Variants in KCND3 observed in about 807,000 individuals in gnomAD.
The protein encoded by KCND3 is A-type voltage-gated potassium channel KCND3.
In KCND3, 9 loss-of-function variants were observed where a neutral mutation model predicts 51.1. That is an observed-to-expected ratio of 0.18 (90% CI 0.11 to 0.31). The LOEUF (loss-of-function observed/expected upper bound fraction) is 0.31, where lower values mean the gene tolerates loss of function less well. Among genes scored for constraint, KCND3 ranks in the 10% least tolerant of loss-of-function variants. The pLI, the probability that KCND3 is intolerant of heterozygous loss-of-function variation, is 1.00. For synonymous variants in KCND3, 349 were observed against 368.0 expected, an observed-to-expected ratio of 0.95 and a Z score of 0.59; for missense variants, 526 against 903.8, an observed-to-expected ratio of 0.58 and a Z score of 5.36.
chr1:111,917,104 T>C (rs980936821), intron 2 of KCND3, among the ~76,000 whole-genome samples: 4 of 152,236 alleles, frequency 2.6e-5, no homozygotes, highest in Non-Finnish European at 4.4e-5. Context: ...TACCTATTTA[T>C]GACTGGAAAA....
At chr1:111,895,768 G>A (rs537723716) in intron 2 of KCND3, among the ~76,000 whole-genome samples, 1 of 152,366 alleles carries the variant, frequency 6.6e-6, no homozygotes, top group East Asian at 1.9e-4. Context: ...CCAGTGGGTG[G>A]GCAGGAAGCT....
chr1:111,846,951 C>T (rs532976034), intron 2 of KCND3, among the ~76,000 whole-genome samples: 1 of 152,358 alleles, frequency 6.6e-6, no homozygotes, highest in East Asian at 1.9e-4. Flanking sequence ...GGGTCTCCCT[C>T]ACTGGACTGT....
chr1:111,946,832 G>C (rs1672801991), intron 2 of KCND3, among the ~76,000 whole-genome samples: 1 of 152,226 alleles, frequency 6.6e-6, no homozygotes, highest in Admixed American at 6.5e-5. Flanking sequence ...TGTTCAACCA[G>C]TGAATCTGCC....
chr1:111,980,915 T>A (rs1219455926), intron 2 of KCND3, among the ~76,000 whole-genome samples: 1 of 152,192 alleles, frequency 6.6e-6, no homozygotes, highest in Non-Finnish European at 1.5e-5. Flanking sequence ...TCTGACCACA[T>A]GATCCATTCA....
rs977348715 is a variant in KCND3 at position 111,965,465 on chromosome 1, C to CACACAT, written c.1106+16155_1106+16156insATGTGT. On this transcript the variant is annotated intron_variant, in intron 2 of 7. Transcript: ENST00000302127. Reference sequence around the variant, plus strand: ...ACACACACACACACACACACACACACACACACACACACACACACACACACG... The same window carrying CACACAT: ...ACACACACACACACACACACACACACACACATACACACACACACACACACACACACG... Among the ~76,000 whole-genome samples, 4 of 148,410 alleles carry CACACAT rather than the reference C, an allele frequency of 2.7e-5. 1 individual carries two copies. Among genetic ancestry groups the CACACAT allele is most frequent in the African/African-American group, 9.8e-5 (4 of 40,750 alleles).
chr1:111,842,457 G>A (rs1667368749), intron 2 of KCND3, among the ~76,000 whole-genome samples: 1 of 152,212 alleles, frequency 6.6e-6, no homozygotes, highest in Admixed American at 6.5e-5. Flanking sequence ...GGCTCTGACT[G>A]GAGAGGAAAT....
At chr1:111,875,547 C>A (rs1209997025) in intron 2 of KCND3, among the ~76,000 whole-genome samples, 1 of 152,092 alleles carries the variant, frequency 6.6e-6, no homozygotes, top group Admixed American at 6.5e-5. Context: ...CCAAGGGGAC[C>A]CTGAGGATCA....
At chr1:111,947,826 T>C (rs1807211) in intron 2 of KCND3, among the ~76,000 whole-genome samples, 47,628 of 152,162 alleles carry the variant, frequency 0.31, 7,699 homozygotes, top group Middle Eastern at 0.37. Flanking sequence ...AATCCTGGGC[T>C]GGGATGATAA....
At chr1:111,837,003 T>C (rs12406062) in intron 2 of KCND3, among the ~76,000 whole-genome samples, 1,614 of 152,326 alleles carry the variant, frequency 0.011, 11 homozygotes, top group Middle Eastern at 0.02. Context: ...TTTAAGTTAG[T>C]TTTAATACCA....
At chr1:111,883,945 G>A (rs1312906955) in intron 2 of KCND3, among the ~76,000 whole-genome samples, 1 of 152,154 alleles carries the variant, frequency 6.6e-6, no homozygotes, top group Non-Finnish European at 1.5e-5. Context: ...GAGGCATTAG[G>A]TATGTTCTGC....
intron 2 of KCND3, among the ~76,000 whole-genome samples, chr1:111,878,359 A>C (rs1223497204): frequency 6.6e-6 from 1 of 152,234 alleles, no homozygotes; most frequent in Non-Finnish European, 1.5e-5. Flanking sequence ...GCACGAGCTC[A>C]GCTGCTGAGT....
chr1:111,902,742 C>T (rs1035191910), intron 2 of KCND3, among the ~76,000 whole-genome samples: 2 of 152,178 alleles, frequency 1.3e-5, no homozygotes, highest in African/African-American at 2.4e-5. Flanking sequence ...ATAGGGATAG[C>T]AATATCTACC....
chr1:111,960,608 G>A lies in KCND3; in HGVS notation c.1106+21013C>T, dbSNP rs998265351. Reference sequence around the variant, plus strand: ...GTACAAAAAAACTGGAAGATACTGGGGAAAACTTGGGCCAGAGGTGGGGTA... The same window carrying A: ...GTACAAAAAAACTGGAAGATACTGGAGAAAACTTGGGCCAGAGGTGGGGTA... On this transcript the variant is annotated intron_variant, in intron 2 of 7. Transcript: ENST00000302127. Among the ~76,000 whole-genome samples the A allele has an allele frequency of 3.3e-5, 5 of 152,210 alleles. No individual in the cohort carries two copies. The East Asian group carries it at 9.6e-4, about 29-fold the overall frequency.
At chr1:111,979,552 G>A (rs1465673843) in intron 2 of KCND3, among the ~76,000 whole-genome samples, 2 of 152,146 alleles carry the variant, frequency 1.3e-5, no homozygotes, top group Non-Finnish European at 2.9e-5. Context: ...TCTACCTAGG[G>A]GCCCTGATGG....
intron 2 of KCND3, among the ~76,000 whole-genome samples, chr1:111,978,739 G>A (rs1674780433): frequency 6.6e-6 from 1 of 152,212 alleles, no homozygotes; most frequent in African/African-American, 2.4e-5. Flanking sequence ...TGTGCAGGCT[G>A]AAATCTTAGG....
chr1:111,975,685 T>G (rs1431612795), intron 2 of KCND3, among the ~76,000 whole-genome samples: 1 of 152,216 alleles, frequency 6.6e-6, no homozygotes, highest in Non-Finnish European at 1.5e-5. Context: ...CTTGTGGTGG[T>G]CATGAGGACC....
chr1:111,880,074 T>C (rs1669233922), intron 2 of KCND3, among the ~76,000 whole-genome samples: 1 of 152,226 alleles, frequency 6.6e-6, no homozygotes. Context: ...TAACCTATAG[T>C]AGCGCTATAT....
At position 111,967,160 on chromosome 1, in the gene KCND3, C is replaced by CA. The variant is rs573768056; in HGVS notation, c.1106+14460dup. ...CGTCTCAAAAAAAAAAAAACAAAAA[C>CA]AAAAAAAAAAACAAAACAAAAACGG... On this transcript the variant is annotated intron_variant, in intron 2 of 7. Coordinates refer to ENST00000302127, the MANE Select transcript of KCND3 (RefSeq NM_001378969.1). Among the ~76,000 whole-genome samples the CA allele has an allele frequency of 6.9e-3, 926 of 134,704 alleles. 9 individuals carry two copies. Among genetic ancestry groups the CA allele is most frequent in the South Asian group, 0.029 (121 of 4,168 alleles). 88.4% of individuals were successfully genotyped at this position (134,704 alleles called of 152,430 possible).
chr1:111,983,509 A>T (rs1675090532), intron 1 of KCND3, among the ~76,000 whole-genome samples: 1 of 152,078 alleles, frequency 6.6e-6, no homozygotes, highest in South Asian at 2.1e-4. Context: ...CAGAGCCATG[A>T]TGGAAAGACG....
Sources: gnomAD v4.1 joint callset for allele counts (sites outside exome capture counted in the v4.1 genomes callset) on GRCh38, gnomAD v4.1.1 for gene constraint, MANE v1.5 for transcripts, NCBI Gene and HGNC (gene_info 2026-07-23, HGNC 2026-07-21) for gene names.